The following FRYL variants were observed in gnomAD, a reference collection of about 807,000 sequenced individuals.
FRYL encodes protein furry homolog-like.
Under a neutral mutation model 351.2 loss-of-function variants are expected in FRYL, and 150 were observed. The ratio of observed to expected loss-of-function variants is 0.43; its 90% CI spans 0.37 to 0.49. The LOEUF (loss-of-function observed/expected upper bound fraction) is 0.49. FRYL is among the 20% of genes least tolerant of loss of function. The probability of loss-of-function intolerance (pLI) is 0.00; values close to 1 mark genes in which losing one functional copy is unlikely to be tolerated. For missense variants in FRYL, 3,036 were observed against 3,619.3 expected, an observed-to-expected ratio of 0.84 and a Z score of 4.13; for synonymous variants, 1,153 against 1,257.1, an observed-to-expected ratio of 0.92 and a Z score of 1.75.
chr4:48,592,698 A>G (rs1397788517), intron 16 of FRYL, among the ~76,000 whole-genome samples: 7 of 152,160 alleles, frequency 4.6e-5, no homozygotes, highest in Admixed American at 4.6e-4. Context: ...TATTCCAGTG[A>G]ACTACCTTCT....
intron 42 of FRYL, among the ~76,000 whole-genome samples, chr4:48,545,626 C>T (rs1486164143): frequency 6.6e-6 from 1 of 152,190 alleles, no homozygotes; most frequent in Non-Finnish European, 1.5e-5. Flanking sequence ...CTCTGCATTA[C>T]AGTCAGAGTG....
chr4:48,756,756 TA>T (rs1003917739), intron 1 of FRYL, among the ~76,000 whole-genome samples: 2 of 152,174 alleles, frequency 1.3e-5, no homozygotes, highest in African/African-American at 4.8e-5. Flanking sequence ...AAGACCAGCC[TA>T]GGCAACACAG....
In FRYL at chr4:48,739,421, A is replaced by AAAAAT. The variant is rs56312141; in HGVS notation, c.-383-28724_-383-28723insATTTT. ...GTCTCAAAAAAAAAAAAAAAAAAAA[A>AAAAAT]CAACTAATCTTTGAAAATGGAGCAA... On this transcript the variant is annotated intron_variant, in intron 1 of 63. Coordinates refer to ENST00000358350, the MANE Select transcript of FRYL (RefSeq NM_015030.2). Among the ~76,000 whole-genome samples the AAAAAT allele has an allele frequency of 1.3e-4, 15 of 117,102 alleles. 4 individuals carry two copies. Among genetic ancestry groups the AAAAAT allele is most frequent in the East Asian group, 2.6e-4 (1 of 3,900 alleles). 76.8% of individuals were successfully genotyped at this position (117,102 alleles called of 152,430 possible). A position where few individuals can be genotyped will look rare whatever the true frequency, so the allele number is the denominator to read the frequency against.
Position 48,756,476 on chromosome 4 carries a change from G to C in FRYL, c.-384+23602C>G, listed in dbSNP as rs1773786275. On this transcript the variant is annotated intron_variant, in intron 1 of 63. Coordinates refer to ENST00000358350, the MANE Select transcript of FRYL (RefSeq NM_015030.2). ...TCACTCTGACACTAAGCCATCTGTT[G>C]TTTGGTATTTGTTGCTTGTTAACTG... 3.9e-5 allele frequency among the ~76,000 whole-genome samples: 6 copies of C among 152,172 alleles called. No homozygotes were observed. The South Asian group carries it at 1.2e-3, about 32-fold the overall frequency.
intron 1 of FRYL, among the ~76,000 whole-genome samples, chr4:48,756,147 T>C (rs1310637299): frequency 6.6e-6 from 1 of 151,464 alleles, no homozygotes; most frequent in Non-Finnish European, 1.5e-5. Context: ...GCGGGAAGAA[T>C]TGGTTGAGCT....
chr4:48,728,158 C>T (rs1003408658), intron 1 of FRYL, among the ~76,000 whole-genome samples: 2 of 152,108 alleles, frequency 1.3e-5, no homozygotes, highest in African/African-American at 4.8e-5. Flanking sequence ...GAGCAAGCAT[C>T]GGAACAAGAC....
chr4:48,733,804 A>G (rs1770995166), intron 1 of FRYL, among the ~76,000 whole-genome samples: 1 of 152,144 alleles, frequency 6.6e-6, no homozygotes, highest in Admixed American at 6.6e-5. Flanking sequence ...CAACCACTTA[A>G]AAGTAACACT....
intron 2 of FRYL, among the ~76,000 whole-genome samples, chr4:48,701,333 T>C (rs1226463164): frequency 6.6e-6 from 1 of 152,168 alleles, no homozygotes; most frequent in Admixed American, 6.5e-5. Flanking sequence ...AAAAACCCCA[T>C]TTCCAATGTA....
chr4:48,559,367 G>C (rs1380848711), intron 33 of FRYL, among the ~76,000 whole-genome samples: 1 of 150,726 alleles, frequency 6.6e-6, no homozygotes, highest in African/African-American at 2.4e-5. Context: ...ATAGGAGGTG[G>C]GGGCCCGAGA....
chr4:48,572,640 G>C (rs1738598144), intron 26 of FRYL, among the ~76,000 whole-genome samples: 1 of 152,090 alleles, frequency 6.6e-6, no homozygotes, highest in Non-Finnish European at 1.5e-5. Context: ...GATTTTACTT[G>C]AGTGCGTAAT....
At position 48,757,983 on chromosome 4, in the gene FRYL, A is replaced by G. The variant is rs1773976075; in HGVS notation, c.-384+22095T>C. Among the ~76,000 whole-genome samples, 5 of 152,278 alleles carry G rather than the reference A, an allele frequency of 3.3e-5. 2 individuals are homozygous for G. On this transcript the variant is annotated intron_variant, in intron 1 of 63. Transcript: ENST00000358350. ...CAAACCTGACAAAAACAAGAAATGGAGAAAGGATTCCCTATTTAATAAATG... is the reference window on the plus strand; with the variant it reads ...CAAACCTGACAAAAACAAGAAATGGGGAAAGGATTCCCTATTTAATAAATG...
intron 2 of FRYL, among the ~76,000 whole-genome samples, chr4:48,692,657 T>A (rs1039915637): frequency 6.6e-6 from 1 of 152,220 alleles, no homozygotes; most frequent in African/African-American, 2.4e-5. Flanking sequence ...CCTCCCTAAG[T>A]GCTGGGAGTA....
At chr4:48,760,973 C>T (rs1423185215) in intron 1 of FRYL, among the ~76,000 whole-genome samples, 5 of 151,560 alleles carry the variant, frequency 3.3e-5, no homozygotes, top group African/African-American at 9.7e-5. Flanking sequence ...CCACCGCCCC[C>T]GGCCACCCTC....
chr4:48,572,182 T>A (rs1172803112), intron 26 of FRYL, among the ~76,000 whole-genome samples: 1 of 152,168 alleles, frequency 6.6e-6, no homozygotes, highest in Non-Finnish European at 1.5e-5. Flanking sequence ...CAAACAATGT[T>A]CTACAGCAGA....
At chr4:48,680,858 T>C (rs1578704529) in intron 3 of FRYL, 2 of 503,414 alleles carry the variant, frequency 4.0e-6, no homozygotes, top group East Asian at 1.1e-4. Flanking sequence ...CTAGAATTCA[T>C]ACTTGTAAAA....
Position 48,581,449 on chromosome 4 carries a change from C to T in FRYL, c.2143G>A (p.Ala715Thr). Residue 715 changes from alanine to threonine, a missense_variant, in exon 21 of 64, where the codon GCT becomes ACT. Ala to Thr is a moderately conservative substitution (Grantham distance 58). Coordinates refer to ENST00000358350, the MANE Select transcript of FRYL (RefSeq NM_015030.2). ...LAVSVLREIR[A>T]LFALLEIPKG... is the part of the protein sequence containing the mutation. ...GGTATTTCCAGAAGTGCAAATAAAG[C>T]CCGTATTTCTCTAAGGACACTGACG... The T allele has an allele frequency of 6.2e-7, 1 of 1,608,212 alleles. No individual in the cohort carries two copies. The highest frequency in any genetic ancestry group is 8.5e-7 in the Non-Finnish European group (1 of 1,178,384).
chr4:48,648,089 A>C (rs1381560570), intron 3 of FRYL, among the ~76,000 whole-genome samples: 1 of 152,122 alleles, frequency 6.6e-6, no homozygotes, highest in Non-Finnish European at 1.5e-5. Context: ...GTACCTACAC[A>C]TGTTGTAGGT....
chr4:48,632,108 A>ATATGTG (rs1553957663), intron 4 of FRYL, among the ~76,000 whole-genome samples: 22 of 64,390 alleles, frequency 3.4e-4, no homozygotes, highest in South Asian at 1.1e-3. Flanking sequence ...ATATATATAT[A>ATATGTG]TATATATATA....
intron 4 of FRYL, among the ~76,000 whole-genome samples, chr4:48,631,246 T>C (rs921005988): frequency 6.6e-6 from 1 of 152,134 alleles, no homozygotes; most frequent in African/African-American, 2.4e-5. Context: ...ATGCCTCTTC[T>C]ATTTGTGATG....
Sources: allele counts gnomAD v4.1 joint callset (sites outside exome capture counted in the v4.1 genomes callset), GRCh38; gene constraint gnomAD v4.1.1; transcripts MANE v1.5; gene names NCBI Gene and HGNC (gene_info 2026-07-23, HGNC 2026-07-21).